The following SYCE3 variants were observed in gnomAD, a reference collection of about 807,000 sequenced individuals.
The protein encoded by SYCE3 is testis highly expressed gene 2 protein.
A neutral mutation model predicts 8.1 loss-of-function variants in SYCE3; 3 were observed. The observed-to-expected ratio is 0.37, with a 90% CI of 0.17 to 0.96. SYCE3 has a LOEUF of 0.96. SYCE3 is among the 40% of genes least tolerant of loss of function. SYCE3 has a pLI of 0.41. For missense variants in SYCE3, 83 were observed against 110.0 expected (o/e 0.75, Z 1.10); for synonymous variants, 36 against 38.7 (o/e 0.93, Z 0.26).
intron 1 of SYCE3, among the ~76,000 whole-genome samples, 199 bp downstream of exon 1, chr22:50,562,659 A>AGGGTGAGGCG (rs1161208433): frequency 9.5e-5 from 2 of 21,104 alleles, no homozygotes; most frequent in South Asian, 3.2e-3. Context: ...TGAGGGGTGA[A>AGGGTGAGGCG]GGGTGAGGCG....
At position 50,556,286 on chromosome 22, in the gene SYCE3, A is replaced by G; in HGVS notation, c.109+11T>C. ...ACCTGTCTCAGATACTTTTGGGTTCACACATCCTACCTGAGATTTTCTCCA... is the reference window on the plus strand; with the variant it reads ...ACCTGTCTCAGATACTTTTGGGTTCGCACATCCTACCTGAGATTTTCTCCA... On this transcript the variant is annotated intron_variant, in intron 2 of 2. Transcript: ENST00000406915. The G allele has an allele frequency of 6.5e-7, 1 of 1,537,738 alleles. No individual in the cohort carries two copies. The highest frequency in any genetic ancestry group is 8.8e-7 in the Non-Finnish European group (1 of 1,135,082).
At chr22:50,558,854 T>C (rs542374003) in intron 1 of SYCE3, among the ~76,000 whole-genome samples, 3 of 152,364 alleles carry the variant, frequency 2.0e-5, no homozygotes, top group South Asian at 2.1e-4. Flanking sequence ...ATCTGGCATC[T>C]GTCTCTGACA....
chr22:50,557,918 T>A (rs1305992718), intron 1 of SYCE3, among the ~76,000 whole-genome samples: 1 of 152,142 alleles, frequency 6.6e-6, no homozygotes, highest in Non-Finnish European at 1.5e-5. Context: ...TGTGACTTCC[T>A]GGGCCTCCCT....
At chr22:50,558,466 C>T (rs2069882204) in intron 1 of SYCE3, among the ~76,000 whole-genome samples, 1 of 152,040 alleles carries the variant, frequency 6.6e-6, no homozygotes, top group Non-Finnish European at 1.5e-5. Context: ...TTATCTTTCC[C>T]CTCTTGCCGT....
chr22:50,559,783 C>T (rs924166318), intron 1 of SYCE3, among the ~76,000 whole-genome samples: 2 of 152,096 alleles, frequency 1.3e-5, no homozygotes, highest in African/African-American at 4.8e-5. Flanking sequence ...CAAAAATTAG[C>T]TGGGCATGGT....
At chr22:50,551,652 T>C (rs1049418033) in intron 2 of SYCE3, among the ~76,000 whole-genome samples, 4 of 149,108 alleles carry the variant, frequency 2.7e-5, no homozygotes, top group Admixed American at 1.3e-4. Flanking sequence ...CCAGACATGA[T>C]GTAAAAAACT....
intron 2 of SYCE3, among the ~76,000 whole-genome samples, chr22:50,556,088 C>T (rs1047460483): frequency 4.6e-5 from 7 of 152,036 alleles, no homozygotes; most frequent in African/African-American, 9.7e-5. Context: ...CCACCGCGCC[C>T]GGCCGAACCA....
chr22:50,551,328 GC>G lies in SYCE3; in HGVS notation c.183del (p.Leu62TrpfsTer?). ...TTGCAGTTGACGAAGGCATCCTCCAGCCGACGCATGGACTCGGCCAGCGTAG... is the reference window on the plus strand; with the variant it reads ...TTGCAGTTGACGAAGGCATCCTCCAGCGACGCATGGACTCGGCCAGCGTAG... ...TNPTLAESMR[R>X]LEDAFVNCKE... On this transcript the variant is annotated frameshift_variant, in exon 3 of 3. Coordinates refer to ENST00000406915, the MANE Select transcript of SYCE3 (RefSeq NM_001123225.3). LOFTEE classifies it high-confidence loss of function. 6.4e-7 allele frequency: 1 copy of G among 1,551,330 alleles called. No individual in the cohort carries two copies. Among genetic ancestry groups the G allele is most frequent in the Non-Finnish European group, 8.7e-7 (1 of 1,146,978 alleles).
At chr22:50,558,456 T>C (rs765355397) in intron 1 of SYCE3, among the ~76,000 whole-genome samples, 1 of 151,872 alleles carries the variant, frequency 6.6e-6, no homozygotes, top group African/African-American at 2.4e-5. Flanking sequence ...AAGAAAATTA[T>C]TATCTTTCCC....
intron 2 of SYCE3, among the ~76,000 whole-genome samples, chr22:50,555,793 C>CTTT (rs35962439): frequency 1.6e-5 from 2 of 124,458 alleles, no homozygotes; most frequent in African/African-American, 3.0e-5. Flanking sequence ...CAATGTACAT[C>CTTT]TTTTTTTTTT....
At position 50,556,375 on chromosome 22, in the gene SYCE3, A is replaced by T; in HGVS notation, c.31T>A (p.Tyr11Asn). The part of the protein sequence containing the change: MDDADPEERN[Y>N]DNMLKMLSDL... ...GACAGCATTTTCAGCATGTTGTCAT[A>T]GTTTCTTTCCTCAGGGTCAGCATCA... The change falls in exon 2 of 3, where the codon TAT becomes AAT. Residue 11 changes from tyrosine (Y) to asparagine (N), a missense_variant. Physicochemically the swap from Tyr to Asn is moderately radical, Grantham distance 143. Transcript: ENST00000406915. 5.8e-6 allele frequency: 9 copies of T among 1,552,048 alleles called. No homozygotes were observed. Among genetic ancestry groups the T allele is most frequent in the Non-Finnish European group, 7.8e-6 (9 of 1,147,082 alleles).
chr22:50,554,176 C>T (rs1029083768), intron 2 of SYCE3, among the ~76,000 whole-genome samples: 2 of 144,022 alleles, frequency 1.4e-5, no homozygotes, highest in African/African-American at 2.7e-5. Flanking sequence ...GCCTGGGCAA[C>T]AGAGCGCGAC....
At chr22:50,551,551 G>T in intron 2 of SYCE3, 149 bp from the exon 3 acceptor site, 2 of 809,128 alleles carry the variant, frequency 2.5e-6, no homozygotes, top group Non-Finnish European at 3.8e-6. Context: ...GAGACAGCTG[G>T]TAGGCTACTT....
At position 50,562,876 on chromosome 22, in the gene SYCE3, T is replaced by G. The variant is rs761907197; in HGVS notation, c.-19A>C. 9.9e-5 allele frequency: 15 copies of G among 152,134 alleles called. No individual in the cohort carries two copies. Among genetic ancestry groups the G allele is most frequent in the East Asian group, 5.8e-4 (3 of 5,144 alleles). 9.4% of individuals were successfully genotyped at this position (152,134 alleles called of 1,614,324 possible). On this transcript the variant is annotated 5_prime_UTR_variant, in exon 1 of 3. Coordinates refer to ENST00000406915, the MANE Select transcript of SYCE3 (RefSeq NM_001123225.3). ...CGCTCACCTCCAGCTTGGCCCGCGC[T>G]CCGGTCCTGCTCTGGCGCCCCCAGC...
chr22:50,555,540 A>G (rs56043219), intron 2 of SYCE3, among the ~76,000 whole-genome samples: 6,176 of 152,226 alleles, frequency 0.041, 240 homozygotes, highest in African/African-American at 0.092. Context: ...CACAGACCTT[A>G]AGTTTGATAA....
At chr22:50,559,276 G>A (rs536746783) in intron 1 of SYCE3, among the ~76,000 whole-genome samples, 22 of 152,008 alleles carry the variant, frequency 1.4e-4, no homozygotes, top group Non-Finnish European at 2.4e-4. Context: ...ACAGGTGCCC[G>A]CCACCATGCC....
At chr22:50,554,965 AC>A (rs1248112341) in intron 2 of SYCE3, among the ~76,000 whole-genome samples, 1 of 151,498 alleles carries the variant, frequency 6.6e-6, no homozygotes, top group East Asian at 2.0e-4. Context: ...TACTAAAAAT[AC>A]AAAAAATTAG....
chr22:50,558,829 C>G (rs2069886049), intron 1 of SYCE3, among the ~76,000 whole-genome samples: 1 of 152,204 alleles, frequency 6.6e-6, no homozygotes, highest in Non-Finnish European at 1.5e-5. Flanking sequence ...TGTCTGTCCT[C>G]CTCACTCCAC....
chr22:50,551,424 G>T, intron 2 of SYCE3, 22 bp from the exon 3 acceptor site: 3 of 1,540,928 alleles, frequency 1.9e-6, no homozygotes, highest in Non-Finnish European at 2.6e-6. Context: ...AGACAGGACT[G>T]GTCAGGCCAC....
Sources: allele counts gnomAD v4.1 joint callset (sites outside exome capture counted in the v4.1 genomes callset), GRCh38; gene constraint gnomAD v4.1.1; transcripts MANE v1.5; gene names NCBI Gene and HGNC (gene_info 2026-07-23, HGNC 2026-07-21).